Variants in CALCOCO1 observed in about 807,000 individuals in gnomAD.
CALCOCO1 encodes calcium binding and coiled-coil domain 1, also known as calcium-binding and coiled-coil domain-containing protein 1.
CALCOCO1 carries 44 observed loss-of-function variants against 86.3 expected under a neutral mutation model. That is an observed-to-expected ratio of 0.51 (90% confidence interval 0.40 to 0.66). CALCOCO1 has a LOEUF of 0.66. CALCOCO1 is among the 30% of genes least tolerant of loss of function. CALCOCO1 has a pLI of 0.00. For synonymous variants in CALCOCO1, 297 were observed against 327.6 expected (o/e 0.91, Z 1.01); for missense variants, 708 against 851.1 (o/e 0.83, Z 2.09).
At chr12:53,722,907 A>T (rs1945914933) in intron 4 of CALCOCO1, 1 of 431,460 alleles carries the variant, frequency 2.3e-6, no homozygotes, top group African/African-American at 2.1e-5. Context: ...TACGTGAGAT[A>T]TAAACATCTT....
At chr12:53,726,047 G>C (rs961028495) in intron 1 of CALCOCO1, among the ~76,000 whole-genome samples, 1 of 152,132 alleles carries the variant, frequency 6.6e-6, no homozygotes, top group African/African-American at 2.4e-5. Flanking sequence ...GGAACGTGGT[G>C]GGGGTGGGGA....
chr12:53,712,882 T>C, intron 14 of CALCOCO1: 2 of 1,466,958 alleles, frequency 1.4e-6, no homozygotes, highest in Non-Finnish European at 1.8e-6. Flanking sequence ...AGGCAGGACC[T>C]CTGAGTGCAT....
chr12:53,722,267 T>G, intron 4 of CALCOCO1, 84 bp from the exon 5 acceptor site: 6 of 1,534,196 alleles, frequency 3.9e-6, no homozygotes, highest in Non-Finnish European at 5.3e-6. Flanking sequence ...CAGGTGCATT[T>G]TGGGTTTGGG....
intron 2 of CALCOCO1, 134 bp from the exon 3 acceptor site, chr12:53,724,881 G>A: frequency 2.4e-6 from 2 of 830,426 alleles, no homozygotes; most frequent in South Asian, 3.5e-5. Context: ...AAGGGAAAGT[G>A]GAGGGACACT....
chr12:53,717,801 A>G (rs952092076), intron 7 of CALCOCO1, among the ~76,000 whole-genome samples: 2 of 152,226 alleles, frequency 1.3e-5, no homozygotes, highest in African/African-American at 4.8e-5. Flanking sequence ...AGGTGGGCGG[A>G]TCACCTGAGG....
chr12:53,717,354 A>G (rs1295780230), intron 7 of CALCOCO1, among the ~76,000 whole-genome samples: 1 of 152,230 alleles, frequency 6.6e-6, no homozygotes, highest in African/African-American at 2.4e-5. Flanking sequence ...GGCGTGGGCC[A>G]CTACACCTGG....
chr12:53,726,842 C>T (rs1254258990), intron 1 of CALCOCO1, among the ~76,000 whole-genome samples: 1 of 152,146 alleles, frequency 6.6e-6, no homozygotes, highest in East Asian at 1.9e-4. Flanking sequence ...CCCTAAAATA[C>T]ACCCCACAAA....
rs1945544631 is a variant in CALCOCO1 at position 53,711,330 on chromosome 12, C to T, written c.*614G>A. 1 of 394,576 alleles carries T rather than the reference C, an allele frequency of 2.5e-6. No individual in the cohort carries two copies. Among genetic ancestry groups the T allele is most frequent in the Admixed American group, 4.4e-5 (1 of 22,576 alleles). 24.4% of individuals were successfully genotyped at this position (394,576 alleles called of 1,614,324 possible). On this transcript the variant is annotated 3_prime_UTR_variant, in exon 15 of 15. Transcript: ENST00000550804. The stretch of plus-strand genomic sequence containing the variant: ...GGAGAGGATACAGAATACAGGAATC[C>T]TCAAAAATACAAAAAACCCCTCCAA...
rs1945880422 is a variant in CALCOCO1, at chr12:53,721,931, C to T, written c.609+94G>A. 3 of 1,414,800 alleles carry T rather than the reference C, an allele frequency of 2.1e-6. No homozygotes were observed. In the East Asian group the frequency reaches 6.9e-5, roughly 32 times the overall value. The allele number at this position is 1,414,800 out of a possible 1,614,324, so 87.6% of individuals were successfully genotyped here. The stretch of plus-strand genomic sequence containing the variant: ...TGATGCCAGAACCATTGTAAAAGCC[C>T]ACTAACATCTCTCCTTCACCCTCTT... On this transcript the variant is annotated intron_variant, in intron 5 of 14. Coordinates refer to ENST00000550804, the MANE Select transcript of CALCOCO1 (RefSeq NM_020898.3).
chr12:53,717,888 GGTGGCGGGT>G (rs1443802199), intron 7 of CALCOCO1, among the ~76,000 whole-genome samples: 1 of 152,176 alleles, frequency 6.6e-6, no homozygotes, highest in African/African-American at 2.4e-5. Flanking sequence ...AGCTGGGCGT[GGTGGCGGGT>G]GCCTGTAATC....
chr12:53,714,671 C>T lies in CALCOCO1; in HGVS notation c.1409G>A (p.Arg470Gln), dbSNP rs754272300. 4.3e-6 allele frequency: 7 copies of T among 1,613,708 alleles called. No homozygotes were observed. The highest frequency in any genetic ancestry group is 2.2e-5 in the East Asian group (1 of 44,888). Reference sequence around the variant, plus strand: ...GGCTGACCGCAGCTCTGTCAGCTCCCGCTTACTTTCTGACAACTGTACCTG... The same window carrying T: ...GGCTGACCGCAGCTCTGTCAGCTCCTGCTTACTTTCTGACAACTGTACCTG... ...SSLVQLSESK[R>Q]ELTELRSALR... Residue 470 changes from arginine (R) to glutamine (Q), a missense_variant, in exon 11 of 15, where the codon CGG (arginine) becomes CAG (glutamine). Arg to Gln is a conservative substitution (Grantham distance 43, BLOSUM62 1). Transcript: ENST00000550804.
chr12:53,711,697 C>T lies in CALCOCO1; in HGVS notation c.*247G>A, dbSNP rs1239158661. On this transcript the variant is annotated 3_prime_UTR_variant, in exon 15 of 15. Transcript: ENST00000550804. ...CTCCTCCATCCCGGTTCCTCCAAAACCACTTTCAGGGGATAAATTCAGCCA... is the reference window on the plus strand; with the variant it reads ...CTCCTCCATCCCGGTTCCTCCAAAATCACTTTCAGGGGATAAATTCAGCCA... 1 of 397,448 alleles carries T rather than the reference C, an allele frequency of 2.5e-6. No homozygotes were observed. Among genetic ancestry groups the T allele is most frequent in the African/African-American group, 2.1e-5 (1 of 47,788 alleles). 24.6% of individuals were successfully genotyped at this position (397,448 alleles called of 1,614,324 possible).
Position 53,713,840 on chromosome 12 carries a change from G to C in CALCOCO1, c.1652C>G (p.Pro551Arg), listed in dbSNP as rs560882432. Residue 551 changes from proline (P) to arginine (R), a missense_variant, in exon 13 of 15, where the codon CCC becomes CGC. Coordinates refer to ENST00000550804, the MANE Select transcript of CALCOCO1 (RefSeq NM_020898.3). ...GTCTCCACGCTCACAAAGGCCATAGGGTGGGAGCCTCATGTCTTCTGGGGA... is the reference window on the plus strand; with the variant it reads ...GTCTCCACGCTCACAAAGGCCATAGCGTGGGAGCCTCATGTCTTCTGGGGA... ...DESPEDMRLPPYGLCERGDPG... is the reference protein window; with the variant it reads ...DESPEDMRLPRYGLCERGDPG... The C allele has an allele frequency of 6.5e-7, 1 of 1,545,952 alleles. No homozygotes were observed. The highest frequency in any genetic ancestry group is 1.4e-5 in the African/African-American group (1 of 72,446).
At chr12:53,719,903 T>C in intron 6 of CALCOCO1, 74 bp from the exon 7 acceptor site, 1 of 959,388 alleles carries the variant, frequency 1.0e-6, no homozygotes, top group Non-Finnish European at 1.6e-6. Context: ...CTCTGTCTTG[T>C]GCTCTGCTGC....
chr12:53,722,341 C>T (rs534763619), intron 4 of CALCOCO1, among the ~76,000 whole-genome samples, 158 bp from the exon 5 acceptor site: 148 of 152,228 alleles, frequency 9.7e-4, no homozygotes, highest in African/African-American at 3.0e-3. Flanking sequence ...TACCGAATCC[C>T]GTCCACCACC....
At chr12:53,714,011 G>C in intron 12 of CALCOCO1, 111 bp from the exon 13 acceptor site, 2 of 1,329,966 alleles carry the variant, frequency 1.5e-6, no homozygotes, top group Non-Finnish European at 2.1e-6. Flanking sequence ...GCCAGGGTCT[G>C]GGAAAGAAAA....
Position 53,709,541 on chromosome 12 carries a change from T to G in CALCOCO1, c.*2403A>C, listed in dbSNP as rs920286513. 4 of 152,070 alleles carry G rather than the reference T, an allele frequency of 2.6e-5. No individual in the cohort carries two copies. The highest frequency in any genetic ancestry group is 4.4e-5 in the Non-Finnish European group (3 of 68,122). The allele number at this position is 152,070 out of a possible 1,614,324, so 9.4% of individuals were successfully genotyped here. On this transcript the variant is annotated 3_prime_UTR_variant, in exon 15 of 15. Transcript: ENST00000550804. ...CCTGGTGGGGGGTTGGGGGGCTTCATGGAGGAGGGGAGTATGAAGCAGATT... is the reference window on the plus strand; with the variant it reads ...CCTGGTGGGGGGTTGGGGGGCTTCAGGGAGGAGGGGAGTATGAAGCAGATT...
At chr12:53,725,307 C>T (rs1294015900) in intron 1 of CALCOCO1, 41 bp from the exon 2 acceptor site, 1 of 1,371,454 alleles carries the variant, frequency 7.3e-7, no homozygotes, top group African/African-American at 1.5e-5. Context: ...CTTTCCAGTC[C>T]ACCTCCTTCC....
chr12:53,716,399 G>A lies in CALCOCO1; in HGVS notation c.866C>T (p.Ala289Val). The change falls in exon 8 of 15, where the codon GCA becomes GTA. Residue 289 changes from alanine to valine, a missense_variant. By Grantham distance (64) the Ala-to-Val change is moderately conservative (BLOSUM62 0). Coordinates refer to ENST00000550804, the MANE Select transcript of CALCOCO1 (RefSeq NM_020898.3). ...KEQSEAELQV[A>V]QQENHHLNLD... The stretch of plus-strand genomic sequence containing the variant: ...ATTTAAGTGATGGTTCTCCTGTTGT[G>A]CCACTTGGAGCTCAGCCTGAGGGAA... 1.2e-6 allele frequency: 2 copies of A among 1,614,174 alleles called. No individual in the cohort carries two copies. Among genetic ancestry groups the A allele is most frequent in the Admixed American group, 1.7e-5 (1 of 60,024 alleles).
Sources: allele counts gnomAD v4.1 joint callset (sites outside exome capture counted in the v4.1 genomes callset), GRCh38; gene constraint gnomAD v4.1.1; transcripts MANE v1.5; gene names NCBI Gene and HGNC (gene_info 2026-07-23, HGNC 2026-07-21).